LRRC4C: variants seen among roughly 807,000 people sequenced by gnomAD.
LRRC4C encodes leucine-rich repeat-containing protein 4C.
Under a neutral mutation model 33.6 loss-of-function variants are expected in LRRC4C, and 5 were observed. That is an observed-to-expected ratio of 0.15 (90% CI 0.08 to 0.31). The LOEUF is 0.31. Ranked by LOEUF, LRRC4C falls within the 10% of genes least tolerant of loss-of-function variation. LRRC4C has a pLI of 1.00. For missense variants in LRRC4C, 560 were observed against 796.7 expected (o/e 0.70, Z 3.58); for synonymous variants, 329 against 302.0 (o/e 1.09, Z -0.93).
chr11:41,443,089 A>ATTTTTTTTTTTTTTTTTTTT, intron 1 of LRRC4C, among the ~76,000 whole-genome samples: 1 of 105,996 alleles, frequency 9.4e-6, no homozygotes, highest in African/African-American at 3.7e-5. Flanking sequence ...TGTTTGCTTC[A>ATTTTTTTTTTTTTTTTTTTT]TTTTTTTTTT....
At chr11:40,665,929 A>T (rs7946480) in intron 2 of LRRC4C, among the ~76,000 whole-genome samples, 24,537 of 152,078 alleles carry the variant, frequency 0.16, 2,475 homozygotes, top group Admixed American at 0.26. Flanking sequence ...GTATATACAA[A>T]TACATAAGTG....
intron 2 of LRRC4C, among the ~76,000 whole-genome samples, chr11:40,762,085 G>T (rs893634726): frequency 7.2e-5 from 11 of 152,116 alleles, no homozygotes; most frequent in Admixed American, 3.9e-4. Flanking sequence ...CCAAGGGATT[G>T]TTCCTGGAAT....
intron 3 of LRRC4C, among the ~76,000 whole-genome samples, chr11:40,454,386 G>T (rs538482880): frequency 2.6e-5 from 4 of 151,800 alleles, no homozygotes; most frequent in Non-Finnish European, 2.9e-5. Context: ...TAAACTTAGA[G>T]AATTTTTTTT....
At chr11:40,251,507 C>G (rs772319104) in intron 4 of LRRC4C, among the ~76,000 whole-genome samples, 9 of 152,114 alleles carry the variant, frequency 5.9e-5, no homozygotes, top group Non-Finnish European at 1.2e-4. Flanking sequence ...GACTCTTCCC[C>G]CAGCCTCATG....
chr11:40,125,062 G>T (rs1466202630), intron 6 of LRRC4C, among the ~76,000 whole-genome samples: 1 of 151,998 alleles, frequency 6.6e-6, no homozygotes, highest in Non-Finnish European at 1.5e-5. Context: ...AAAGTAGCAG[G>T]TTGTCTTGCA....
chr11:41,160,220 T>C (rs533709344), intron 1 of LRRC4C, among the ~76,000 whole-genome samples: 1 of 152,034 alleles, frequency 6.6e-6, no homozygotes, highest in East Asian at 1.9e-4. Flanking sequence ...ATATAGAACA[T>C]ATGGCTGGAC....
In LRRC4C at chr11:40,704,632, C is replaced by T. The variant is rs112048035; in HGVS notation, c.-406-56354G>A. Reference sequence around the variant, plus strand: ...GAATAATCCTAGGCAATAATCTCTCCGGACCTCAGTTTCCTCAACTGAAAA... The same window carrying T: ...GAATAATCCTAGGCAATAATCTCTCTGGACCTCAGTTTCCTCAACTGAAAA... On this transcript the variant is annotated intron_variant, in intron 2 of 6. Transcript: ENST00000528697. 4.0e-3 allele frequency among the ~76,000 whole-genome samples: 605 copies of T among 152,138 alleles called. 6 individuals are homozygous for T. The highest frequency in any genetic ancestry group is 0.014 in the Middle Eastern group (4 of 294).
chr11:41,098,877 A>C (rs1254508685), intron 1 of LRRC4C, among the ~76,000 whole-genome samples: 1 of 152,122 alleles, frequency 6.6e-6, no homozygotes, highest in Non-Finnish European at 1.5e-5. Flanking sequence ...CCAAAAATTC[A>C]AAAGATCAAT....
At chr11:40,634,427 T>A (rs1963771672) in intron 3 of LRRC4C, among the ~76,000 whole-genome samples, 1 of 152,184 alleles carries the variant, frequency 6.6e-6, no homozygotes, top group East Asian at 1.9e-4. Context: ...ATTAAATAAA[T>A]ATTGTTTCCT....
Position 41,425,382 on chromosome 11 carries a change from G to A in LRRC4C, c.-496+34049C>T, listed in dbSNP as rs527330035. On this transcript the variant is annotated intron_variant, in intron 1 of 6. Coordinates refer to ENST00000528697, the MANE Select transcript of LRRC4C (RefSeq NM_001258419.2). ...TGGTACTTACTTGATTTTCTGGTAA[G>A]GGACTATTACAGACAAATACGGGGA... is the stretch of plus-strand genomic sequence containing the variant. Among the ~76,000 whole-genome samples the A allele has an allele frequency of 1.8e-4, 28 of 152,188 alleles. 1 individual carries two copies. Among genetic ancestry groups the A allele is most frequent in the Non-Finnish European group, 3.1e-4 (21 of 67,976 alleles).
chr11:40,274,040 C>T (rs1325445222), intron 4 of LRRC4C, among the ~76,000 whole-genome samples: 1 of 152,060 alleles, frequency 6.6e-6, no homozygotes, highest in Non-Finnish European at 1.5e-5. Context: ...ATCCTGAGAG[C>T]ATTCTCCAGG....
At chr11:40,273,405 T>C (rs1942856212) in intron 4 of LRRC4C, among the ~76,000 whole-genome samples, 1 of 152,098 alleles carries the variant, frequency 6.6e-6, no homozygotes, top group African/African-American at 2.4e-5. Context: ...ACAAATACAC[T>C]ACCTTAAGGC....
At chr11:40,988,710 TTTC>T (rs1362349603) in intron 1 of LRRC4C, among the ~76,000 whole-genome samples, 28,526 of 112,502 alleles carry the variant, frequency 0.25, 3,774 homozygotes, top group East Asian at 0.35. Context: ...TTTCTTTTCT[TTTC>T]TTTTTTTTTT....
intron 5 of LRRC4C, among the ~76,000 whole-genome samples, chr11:40,207,620 A>T (rs1351193521): frequency 6.6e-6 from 1 of 152,172 alleles, no homozygotes; most frequent in African/African-American, 2.4e-5. Flanking sequence ...AAGAAATAGG[A>T]GAGTCAAGGG....
intron 2 of LRRC4C, among the ~76,000 whole-genome samples, chr11:40,830,955 C>A (rs1291729992): frequency 6.6e-6 from 1 of 152,220 alleles, no homozygotes; most frequent in East Asian, 1.9e-4. Flanking sequence ...TTGAACCACC[C>A]AAAGACACTT....
At chr11:41,405,791 T>C (rs59307474) in intron 1 of LRRC4C, among the ~76,000 whole-genome samples, 28 of 152,264 alleles carry the variant, frequency 1.8e-4, no homozygotes, top group African/African-American at 6.5e-4. Flanking sequence ...AGTTATTGTA[T>C]TCATTTAGTT....
intron 1 of LRRC4C, among the ~76,000 whole-genome samples, chr11:41,296,933 T>G (rs982149614): frequency 6.6e-6 from 1 of 152,202 alleles, no homozygotes; most frequent in Non-Finnish European, 1.5e-5. Context: ...ATACAAGCAG[T>G]GAGAAAGTCC....
chr11:41,341,094 T>C (rs1565595400), intron 1 of LRRC4C, among the ~76,000 whole-genome samples: 1 of 151,364 alleles, frequency 6.6e-6, no homozygotes, highest in African/African-American at 2.4e-5. Context: ...TTTACCTATA[T>C]GTGAAAGTGA....
intron 3 of LRRC4C, among the ~76,000 whole-genome samples, chr11:40,407,126 A>G (rs1472172496): frequency 6.6e-6 from 1 of 152,104 alleles, no homozygotes; most frequent in Non-Finnish European, 1.5e-5. Flanking sequence ...GAATCTTATG[A>G]TCTAGATTCA....
Sources: gnomAD v4.1 joint callset for allele counts (sites outside exome capture counted in the v4.1 genomes callset) on GRCh38, gnomAD v4.1.1 for gene constraint, MANE v1.5 for transcripts, NCBI Gene and HGNC (gene_info 2026-07-23, HGNC 2026-07-21) for gene names.